PRDM9: variants seen among roughly 807,000 people sequenced by gnomAD.
PRDM9 encodes histone-lysine N-methyltransferase PRDM9.
Under a neutral mutation model 55.6 loss-of-function variants are expected in PRDM9, and 47 were observed. The ratio of observed to expected loss-of-function variants is 0.85; its 90% CI spans 0.67 to 1.08. The LOEUF (loss-of-function observed/expected upper bound fraction) is 1.08, where lower values mean the gene tolerates loss of function less well. Ranked by LOEUF, PRDM9 falls within the 50% of genes least tolerant of loss-of-function variation. The pLI is 0.00. For missense variants in PRDM9, 867 were observed against 1,040.3 expected, an observed-to-expected ratio of 0.83 and a Z score of 2.29; for synonymous variants, 312 against 375.7, an observed-to-expected ratio of 0.83 and a Z score of 1.96.
chr5:23,521,261 G>T (rs2126425326), intron 6 of PRDM9, 82 bp downstream of exon 6: 1 of 1,536,936 alleles, frequency 6.5e-7, no homozygotes, highest in Admixed American at 1.7e-5. Context: ...TATGTGGGGT[G>T]GACTTTGCAT....
intron 8 of PRDM9, 62 bp downstream of exon 8, chr5:23,522,947 G>T (rs1739363917): frequency 1.2e-6 from 2 of 1,612,716 alleles, no homozygotes; most frequent in Non-Finnish European, 1.7e-6. Context: ...GCCTTTGGTG[G>T]GGCATAATCT....
intron 4 of PRDM9, among the ~76,000 whole-genome samples, chr5:23,510,844 A>G (rs1739081358): frequency 1.3e-5 from 2 of 151,752 alleles, no homozygotes; most frequent in Admixed American, 1.3e-4. Context: ...GCCCCCAGGA[A>G]GATTTAGAAG....
chr5:23,510,154 A>T, intron 4 of PRDM9, 127 bp downstream of exon 4: 2 of 935,158 alleles, frequency 2.1e-6, no homozygotes, highest in Non-Finnish European at 3.2e-6. Context: ...TCCCAGGTTC[A>T]AGCGATTCTC....
chr5:23,526,689 G>A lies in PRDM9; in HGVS notation c.1601G>A (p.Ser534Asn), dbSNP rs760449660. ...VKYGECGQGF[S>N]VKSDVITHQR... ...TATGGAGAGTGTGGACAAGGTTTCA[G>A]TGTTAAATCAGATGTTATTACACAC... is the stretch of plus-strand genomic sequence containing the variant. The change falls in exon 11 of 11, where the codon AGT (serine) becomes AAT (asparagine). Residue 534 changes from serine to asparagine, a missense_variant. Ser to Asn is a conservative substitution (Grantham distance 46). Transcript: ENST00000296682. The A allele has an allele frequency of 1.2e-6, 2 of 1,614,266 alleles. No individual in the cohort carries two copies. Among genetic ancestry groups the A allele is most frequent in the South Asian group, 2.2e-5 (2 of 91,086 alleles).
Position 23,517,874 on chromosome 5 carries a change from C to T in PRDM9, c.302-7C>T, listed in dbSNP as rs1162066163. 5 of 1,586,844 alleles carry T rather than the reference C, an allele frequency of 3.2e-6. No homozygotes were observed. Among genetic ancestry groups the T allele is most frequent in the Non-Finnish European group, 4.3e-6 (5 of 1,155,298 alleles). On this transcript the variant is annotated splice_polypyrimidine_tract_variant and splice_region_variant and intron_variant, in intron 4 of 10. Coordinates refer to ENST00000296682, the MANE Select transcript of PRDM9 (RefSeq NM_020227.4). ...AACCAAACCACTGATTTCTCATCAC[C>T]TTTTAGTCAAACCTCCTTGGATGGC...
In PRDM9 at chr5:23,526,530, A is replaced by T; in HGVS notation, c.1442A>T (p.Lys481Ile). The T allele has an allele frequency of 6.2e-7, 1 of 1,614,160 alleles. No homozygotes were observed. Among genetic ancestry groups the T allele is most frequent in the Non-Finnish European group, 8.5e-7 (1 of 1,179,998 alleles). The change falls in exon 11 of 11, where the codon AAA becomes ATA. Residue 481 changes from lysine to isoleucine, a missense_variant. Lys to Ile is a moderately radical substitution (Grantham distance 102, BLOSUM62 -3). Around this residue, in one of 5 missense-constraint regions of PRDM9, gnomAD observed 662 missense variants for 711.9 expected, o/e 0.93. Coordinates refer to ENST00000296682, the MANE Select transcript of PRDM9 (RefSeq NM_020227.4). Reference protein sequence around the residue: ...EISRAFSSPPKGQMGSCRVGK... With the variant: ...EISRAFSSPPIGQMGSCRVGK... ...TCAAGGGCCTTTTCTAGCCCACCCA[A>T]AGGACAAATGGGGAGCTGTAGAGTG...
In PRDM9 at chr5:23,509,590, A is replaced by G; in HGVS notation, c.190A>G (p.Ile64Val). Residue 64 changes from isoleucine (I) to valine (V), a missense_variant, in exon 3 of 11, where the codon ATA becomes GTA. By Grantham distance (29) the Ile-to-Val change is conservative (BLOSUM62 3). Transcript: ENST00000296682. ...AAGGAACTATAATGCACTGATTACTATAGGTAACAGGAAGTGCTGGGCACA... is the reference window on the plus strand; with the variant it reads ...AAGGAACTATAATGCACTGATTACTGTAGGTAACAGGAAGTGCTGGGCACA... ...VKRNYNALIT[I>V]GLRATRPAFM... 4 of 1,614,234 alleles carry G rather than the reference A, an allele frequency of 2.5e-6. No individual in the cohort carries two copies. The highest frequency in any genetic ancestry group is 3.4e-6 in the Non-Finnish European group (4 of 1,180,034).
chr5:23,513,713 C>G (rs1171946923), intron 4 of PRDM9, among the ~76,000 whole-genome samples: 1 of 152,058 alleles, frequency 6.6e-6, no homozygotes, highest in African/African-American at 2.4e-5. Flanking sequence ...AACCCCATCT[C>G]TACTAAAAAT....
intron 5 of PRDM9, 36 bp from the exon 6 acceptor site, chr5:23,520,987 C>T (rs749807503): frequency 1.1e-5 from 18 of 1,609,884 alleles, no homozygotes; most frequent in East Asian, 1.1e-4. Context: ...TAAAGAAATT[C>T]GTGTTGTCTT....
intron 4 of PRDM9, among the ~76,000 whole-genome samples, chr5:23,514,138 T>G (rs1457583437): frequency 2.6e-5 from 4 of 152,244 alleles, no homozygotes; most frequent in Non-Finnish European, 5.9e-5. Flanking sequence ...TTTATATGCT[T>G]CTTAGCCATT....
At chr5:23,521,202 A>T in intron 6 of PRDM9, 23 bp downstream of exon 6, 2 of 1,611,626 alleles carry the variant, frequency 1.2e-6, no homozygotes, top group South Asian at 2.2e-5. Context: ...ATTTGCGGGG[A>T]CTTTAGTCCC....
In PRDM9 at chr5:23,509,006, G is replaced by A; in HGVS notation, c.-28G>A. ...GGCCCTTCTCACACTCAGAATTGGA[G>A]CAGGGCCTTCTAGACAGTCCCAGCA... On this transcript the variant is annotated 5_prime_UTR_variant, in exon 2 of 11. Coordinates refer to ENST00000296682, the MANE Select transcript of PRDM9 (RefSeq NM_020227.4). 6.2e-7 allele frequency: 1 copy of A among 1,613,052 alleles called. No individual in the cohort carries two copies. Among genetic ancestry groups the A allele is most frequent in the Non-Finnish European group, 8.5e-7 (1 of 1,179,250 alleles).
chr5:23,523,454 A>T, intron 9 of PRDM9, 96 bp downstream of exon 9: 1 of 1,311,854 alleles, frequency 7.6e-7, no homozygotes, highest in Non-Finnish European at 1.1e-6. Context: ...AATGATTTTC[A>T]CATTCCCTAT....
In PRDM9 at chr5:23,509,574, T is replaced by C; in HGVS notation, c.174T>C (p.Tyr58=). The change falls in exon 3 of 11, where the codon TAT becomes TAC. Residue 58 remains tyrosine (Y), a synonymous_variant. Coordinates refer to ENST00000296682, the MANE Select transcript of PRDM9 (RefSeq NM_020227.4). ...GCTATAGGAATGTGAAAAGGAACTA[T>C]AATGCACTGATTACTATAGGTAACA... The part of the protein sequence containing the change: ...KTRYRNVKRN[Y]NALITIGLRA... The C allele has an allele frequency of 1.9e-6, 3 of 1,614,156 alleles. No homozygotes were observed. The highest frequency in any genetic ancestry group is 1.7e-6 in the Non-Finnish European group (2 of 1,180,032).
rs377625664 is a variant in PRDM9 at position 23,513,827 on chromosome 5, C to T, written c.301+3800C>T. ...CCGGGAGGCAGAGGTTTCAGTGAGC[C>T]GAGATCACACCACTGTACTGCAGCC... On this transcript the variant is annotated intron_variant, in intron 4 of 10. Transcript: ENST00000296682. Among the ~76,000 whole-genome samples the T allele has an allele frequency of 1.4e-3, 208 of 151,360 alleles. 1 individual carries two copies. Among genetic ancestry groups the T allele is most frequent in the South Asian group, 5.0e-3 (24 of 4,780 alleles).
At chr5:23,522,259 C>T in intron 6 of PRDM9, 45 bp from the exon 7 acceptor site, 1 of 1,472,858 alleles carries the variant, frequency 6.8e-7, no homozygotes, top group East Asian at 2.3e-5. Flanking sequence ...CAAGGACAAA[C>T]ACCCCAGATT....
intron 4 of PRDM9, among the ~76,000 whole-genome samples, chr5:23,510,698 G>A (rs1217344322): frequency 6.6e-6 from 1 of 151,290 alleles, no homozygotes; most frequent in African/African-American, 2.4e-5. Context: ...TACAGACAAG[G>A]TCTCACTCTG....
rs770467584 is a variant in PRDM9, at chr5:23,517,852, C to A, written c.302-29C>A. ...CTAGTGTTTGGAAACATTTACCAAC[C>A]AAACCACTGATTTCTCATCACCTTT... On this transcript the variant is annotated intron_variant, in intron 4 of 10. Coordinates refer to ENST00000296682, the MANE Select transcript of PRDM9 (RefSeq NM_020227.4). 4.5e-6 allele frequency: 7 copies of A among 1,553,798 alleles called. No individual in the cohort carries two copies. In the Admixed American group the frequency reaches 1.0e-4, roughly 22 times the overall value.
intron 6 of PRDM9, 43 bp from the exon 7 acceptor site, chr5:23,522,261 C>T: frequency 6.7e-7 from 1 of 1,489,890 alleles, no homozygotes; most frequent in Non-Finnish European, 9.4e-7. Context: ...AGGACAAACA[C>T]CCCAGATTCC....
Sources: allele counts gnomAD v4.1 joint callset (sites outside exome capture counted in the v4.1 genomes callset), GRCh38; gene constraint gnomAD v4.1.1; regional missense constraint gnomAD v4.1.1; transcripts MANE v1.5; gene names NCBI Gene and HGNC (gene_info 2026-07-23, HGNC 2026-07-21).